Variants in COL9A1 observed in about 807,000 individuals in gnomAD.
COL9A1 encodes the protein collagen alpha-1(IX) chain.
In COL9A1, 104 loss-of-function variants were observed where a neutral mutation model predicts 142.6. That is an observed-to-expected ratio of 0.73 (90% CI 0.62 to 0.86). COL9A1 has a LOEUF of 0.86. COL9A1 is among the 40% of genes least tolerant of loss of function. The probability of loss-of-function intolerance (pLI) is 0.00; values close to 1 mark genes in which losing one functional copy is unlikely to be tolerated. For synonymous variants in COL9A1, 466 were observed against 396.0 expected, an observed-to-expected ratio of 1.18 and a Z score of -2.10; for missense variants, 1,210 against 1,176.6, an observed-to-expected ratio of 1.03 and a Z score of -0.42.
intron 28 of COL9A1, among the ~76,000 whole-genome samples, chr6:70,248,499 G>A (rs1458724912): frequency 1.3e-5 from 2 of 152,278 alleles, no homozygotes; most frequent in Middle Eastern, 3.4e-3. Flanking sequence ...CTGATCAAAC[G>A]TGTGAGGCAT....
chr6:70,230,870 C>T (rs1769496105), intron 36 of COL9A1, among the ~76,000 whole-genome samples: 1 of 152,214 alleles, frequency 6.6e-6, no homozygotes, highest in South Asian at 2.1e-4. Flanking sequence ...CAGCTTTAGA[C>T]TGTCCTAGCT....
intron 28 of COL9A1, among the ~76,000 whole-genome samples, chr6:70,248,633 C>T (rs1039180243): frequency 6.6e-6 from 1 of 152,184 alleles, no homozygotes; most frequent in Non-Finnish European, 1.5e-5. Context: ...ACATTTATAA[C>T]CTATCATGAC....
chr6:70,262,811 T>C (rs1252453608), intron 19 of COL9A1, among the ~76,000 whole-genome samples: 1 of 152,240 alleles, frequency 6.6e-6, no homozygotes. Flanking sequence ...ATTAAGAATG[T>C]TTTAATTAAT....
chr6:70,284,239 G>A (rs188986095), intron 5 of COL9A1, among the ~76,000 whole-genome samples: 1 of 152,036 alleles, frequency 6.6e-6, no homozygotes, highest in East Asian at 1.9e-4. Context: ...ACTCTACAGG[G>A]AATATATGCT....
chr6:70,282,213 A>T (rs550885491), intron 7 of COL9A1, among the ~76,000 whole-genome samples: 1 of 152,310 alleles, frequency 6.6e-6, no homozygotes, highest in East Asian at 1.9e-4. Flanking sequence ...TACCCTTCTG[A>T]ATTAAAAAAA....
chr6:70,287,165 G>A (rs1322464271), intron 5 of COL9A1, among the ~76,000 whole-genome samples: 4 of 152,066 alleles, frequency 2.6e-5, no homozygotes, highest in African/African-American at 9.7e-5. Flanking sequence ...GAGACACGGA[G>A]GGTAAAGATT....
At chr6:70,296,241 T>A (rs984978709) in intron 4 of COL9A1, among the ~76,000 whole-genome samples, 2 of 152,150 alleles carry the variant, frequency 1.3e-5, no homozygotes, top group African/African-American at 4.8e-5. Flanking sequence ...ATCATAGAAG[T>A]ATTTTTTTTA....
At position 70,234,881 on chromosome 6, in the gene COL9A1, T is replaced by C. The variant is rs1583223204; in HGVS notation, c.2172A>G (p.Gly724=). 6.2e-7 allele frequency: 1 copy of C among 1,614,094 alleles called. No individual in the cohort carries two copies. ...RGPEGSRGLP[G]VEGPRGPPGP... ...CAGGTGGTCCTCTTGGTCCTTCCAC[T>C]CCAGGAAGCCCCCGACTTCCCTCAG... The change falls in exon 34 of 38, where the codon GGA becomes GGG. Residue 724 remains glycine, a synonymous_variant. Coordinates refer to ENST00000357250, the MANE Select transcript of COL9A1 (RefSeq NM_001851.6).
At chr6:70,277,843 A>G (rs1043949194) in intron 10 of COL9A1, among the ~76,000 whole-genome samples, 1 of 152,196 alleles carries the variant, frequency 6.6e-6, no homozygotes, top group Non-Finnish European at 1.5e-5. Flanking sequence ...AGAGCAGAAG[A>G]CGAAATGATT....
intron 12 of COL9A1, among the ~76,000 whole-genome samples, chr6:70,272,807 C>T (rs185769262): frequency 7.2e-5 from 11 of 152,262 alleles, no homozygotes; most frequent in Admixed American, 6.5e-5. Flanking sequence ...ACTCCTAGCA[C>T]GGGGCCTAGC....
At chr6:70,291,236 G>A (rs1415673233) in intron 5 of COL9A1, among the ~76,000 whole-genome samples, 1 of 152,072 alleles carries the variant, frequency 6.6e-6, no homozygotes, top group Non-Finnish European at 1.5e-5. Flanking sequence ...AACAAAATGG[G>A]AACACTAACA....
intron 4 of COL9A1, among the ~76,000 whole-genome samples, chr6:70,295,706 G>A (rs1773828757): frequency 6.6e-6 from 1 of 152,180 alleles, no homozygotes; most frequent in Non-Finnish European, 1.5e-5. Context: ...AGAGACTGTG[G>A]TCTGGAGCTG....
intron 29 of COL9A1, 101 bp from the exon 30 acceptor site, chr6:70,242,136 A>T: frequency 9.9e-7 from 1 of 1,011,344 alleles, no homozygotes; most frequent in Non-Finnish European, 1.5e-6. Context: ...GTCTAAAATA[A>T]ACGTGCTGTG....
At chr6:70,294,047 T>G in intron 5 of COL9A1, 120 bp downstream of exon 5, 1 of 1,368,212 alleles carries the variant, frequency 7.3e-7, no homozygotes, top group Non-Finnish European at 1.0e-6. Flanking sequence ...TAACTTCCTC[T>G]GATTCCAAAT....
At chr6:70,300,508 C>G in intron 2 of COL9A1, 122 bp from the exon 3 acceptor site, 1 of 391,732 alleles carries the variant, frequency 2.6e-6, no homozygotes, top group Non-Finnish European at 4.3e-6. Flanking sequence ...AGCAATTGAC[C>G]ACAAAAAAAA....
At chr6:70,234,720 T>G in intron 34 of COL9A1, 74 bp downstream of exon 34, 1 of 1,608,314 alleles carries the variant, frequency 6.2e-7, no homozygotes, top group Admixed American at 1.7e-5. Flanking sequence ...GTTGAGAAGC[T>G]GATGCCTAGA....
chr6:70,221,406 T>A (rs1768874196), intron 37 of COL9A1, among the ~76,000 whole-genome samples: 1 of 152,214 alleles, frequency 6.6e-6, no homozygotes, highest in Non-Finnish European at 1.5e-5. Context: ...GTTTAAGGAA[T>A]TATAAACTGG....
chr6:70,230,265 T>C (rs1033111562), intron 36 of COL9A1, among the ~76,000 whole-genome samples: 5 of 152,188 alleles, frequency 3.3e-5, no homozygotes, highest in Non-Finnish European at 7.4e-5. Context: ...CAAATCCAGC[T>C]ACCTAAAATC....
chr6:70,295,620 A>G (rs888120291), intron 4 of COL9A1, among the ~76,000 whole-genome samples: 6 of 152,044 alleles, frequency 3.9e-5, no homozygotes, highest in Admixed American at 1.3e-4. Flanking sequence ...CTAAGTCTGT[A>G]TCATTGCTAA....
Sources: allele counts gnomAD v4.1 joint callset (sites outside exome capture counted in the v4.1 genomes callset), GRCh38; gene constraint gnomAD v4.1.1; transcripts MANE v1.5; gene names NCBI Gene and HGNC (gene_info 2026-07-23, HGNC 2026-07-21).